CHCHD3: variants seen among roughly 807,000 people sequenced by gnomAD.
CHCHD3 encodes the protein MICOS complex subunit MIC19.
CHCHD3 carries 20 observed loss-of-function variants against 38.2 expected under a neutral mutation model. The observed-to-expected ratio is 0.52, with a 90% CI of 0.37 to 0.76. CHCHD3 has a LOEUF of 0.76. CHCHD3 is among the 30% of genes least tolerant of loss of function. The pLI is 0.00. For missense variants in CHCHD3, 245 were observed against 279.2 expected (o/e 0.88, Z 0.87); for synonymous variants, 82 against 100.0 (o/e 0.82, Z 1.07).
chr7:132,833,170 A>G (rs1375716659), intron 6 of CHCHD3, among the ~76,000 whole-genome samples: 2 of 152,214 alleles, frequency 1.3e-5, no homozygotes, highest in African/African-American at 4.8e-5. Context: ...TTGCATTAGG[A>G]TGAGCTGTAA....
chr7:132,892,676 G>A (rs950046538), intron 4 of CHCHD3, among the ~76,000 whole-genome samples: 3 of 152,184 alleles, frequency 2.0e-5, no homozygotes, highest in African/African-American at 7.2e-5. Flanking sequence ...CAGACCCAGG[G>A]CACTGCTGCT....
At chr7:132,900,515 C>T (rs1490161890) in intron 4 of CHCHD3, among the ~76,000 whole-genome samples, 3 of 152,088 alleles carry the variant, frequency 2.0e-5, no homozygotes, top group Admixed American at 2.0e-4. Context: ...GATTCATTCA[C>T]AAACCTTTAA....
chr7:133,013,194 A>AG, intron 3 of CHCHD3, among the ~76,000 whole-genome samples: 1 of 143,018 alleles, frequency 7.0e-6, no homozygotes, highest in Non-Finnish European at 1.5e-5. Flanking sequence ...TCAAAAAAAA[A>AG]AAAAAAAAAA....
intron 4 of CHCHD3, among the ~76,000 whole-genome samples, chr7:132,893,924 G>A (rs1053601378): frequency 6.6e-6 from 1 of 152,158 alleles, no homozygotes; most frequent in African/African-American, 2.4e-5. Context: ...CCAGTCTCGG[G>A]TATTTCTTTA....
At chr7:132,850,436 A>AG (rs201480142) in intron 5 of CHCHD3, among the ~76,000 whole-genome samples, 1 of 82,004 alleles carries the variant, frequency 1.2e-5, no homozygotes, top group Admixed American at 1.6e-4. Context: ...TTAGAGTCTC[A>AG]GGTTTTTTTT....
Position 132,930,775 on chromosome 7 carries a change from C to T in CHCHD3, c.369+44394G>A, listed in dbSNP as rs193102698. 2.7e-3 allele frequency among the ~76,000 whole-genome samples: 411 copies of T among 152,228 alleles called. 4 individuals are homozygous for T. The highest frequency in any genetic ancestry group is 9.2e-3 in the African/African-American group (384 of 41,530). ...TAAAGTAGAACCCATGTTCTCCCAT[C>T]GCTATACCTTTTCGATCCAGCTTTT... On this transcript the variant is annotated intron_variant, in intron 4 of 7. Transcript: ENST00000262570.
chr7:133,021,023 A>T (rs1157543143), intron 3 of CHCHD3, among the ~76,000 whole-genome samples: 1 of 152,132 alleles, frequency 6.6e-6, no homozygotes, highest in Non-Finnish European at 1.5e-5. Flanking sequence ...GTTAAACAGC[A>T]TCCCTGGCCT....
At chr7:132,910,877 C>T (rs1809931165) in intron 4 of CHCHD3, among the ~76,000 whole-genome samples, 1 of 152,170 alleles carries the variant, frequency 6.6e-6, no homozygotes, top group South Asian at 2.1e-4. Flanking sequence ...ACTACGTAAG[C>T]ATTACCAATC....
chr7:132,916,529 G>T (rs1320875813), intron 4 of CHCHD3, among the ~76,000 whole-genome samples: 1 of 152,110 alleles, frequency 6.6e-6, no homozygotes. Flanking sequence ...TTTTATTATA[G>T]TATATTGTTA....
intron 6 of CHCHD3, among the ~76,000 whole-genome samples, chr7:132,819,330 TGTGA>T (rs1807282756): frequency 6.6e-6 from 1 of 152,236 alleles, no homozygotes; most frequent in Non-Finnish European, 1.5e-5. Flanking sequence ...TATTTGCACC[TGTGA>T]GTGAGTTAGC....
intron 2 of CHCHD3, among the ~76,000 whole-genome samples, chr7:133,060,265 A>G (rs1814464245): frequency 6.6e-6 from 1 of 152,186 alleles, no homozygotes; most frequent in Non-Finnish European, 1.5e-5. Flanking sequence ...AGAGCTCAGC[A>G]CCAAAGCAAG....
At chr7:132,973,919 T>C (rs1811685812) in intron 4 of CHCHD3, 3 of 1,257,288 alleles carry the variant, frequency 2.4e-6, no homozygotes, top group Non-Finnish European at 3.1e-6. Flanking sequence ...TGTGCTCCAA[T>C]GAGGACTAAA....
At chr7:133,067,563 C>G (rs926737388) in intron 2 of CHCHD3, among the ~76,000 whole-genome samples, 13 of 152,200 alleles carry the variant, frequency 8.5e-5, no homozygotes, top group African/African-American at 2.9e-4. Flanking sequence ...TTATCATCAG[C>G]TAGATGTGCT....
Position 132,881,938 on chromosome 7 carries a change from A to G in CHCHD3, c.453+3724T>C, listed in dbSNP as rs865899404. Among the ~76,000 whole-genome samples the G allele has an allele frequency of 3.3e-5, 5 of 152,324 alleles. No individual in the cohort carries two copies. In the South Asian group the frequency reaches 8.3e-4, roughly 25 times the overall value. ...TCTCACATATTCCTGGAAGAAATCC[A>G]AAGTGACAAAATTCAACTTGAGTAC... On this transcript the variant is annotated intron_variant, in intron 5 of 7. Coordinates refer to ENST00000262570, the MANE Select transcript of CHCHD3 (RefSeq NM_017812.4).
chr7:132,877,521 C>A (rs2117160887), intron 5 of CHCHD3, among the ~76,000 whole-genome samples: 1 of 152,198 alleles, frequency 6.6e-6, no homozygotes, highest in African/African-American at 2.4e-5. Flanking sequence ...GATACTGGGC[C>A]TTATTCATTT....
chr7:132,862,779 T>C (rs965817744), intron 5 of CHCHD3, among the ~76,000 whole-genome samples: 5 of 152,242 alleles, frequency 3.3e-5, no homozygotes, highest in African/African-American at 1.2e-4. Context: ...TTTCCTGTCA[T>C]TTCAGCAATA....
intron 2 of CHCHD3, among the ~76,000 whole-genome samples, chr7:133,042,366 C>T (rs1405458892): frequency 6.6e-6 from 1 of 152,168 alleles, no homozygotes; most frequent in Non-Finnish European, 1.5e-5. Flanking sequence ...AAAGACACAC[C>T]TCCAAGGCTT....
At chr7:132,877,763 C>A (rs540288548) in intron 5 of CHCHD3, among the ~76,000 whole-genome samples, 9 of 144,752 alleles carry the variant, frequency 6.2e-5, no homozygotes, top group Non-Finnish European at 1.4e-4. Flanking sequence ...ACTATAGAAA[C>A]CACAGGGAAT....
intron 4 of CHCHD3, among the ~76,000 whole-genome samples, chr7:132,928,042 T>C (rs1413494520): frequency 6.6e-6 from 1 of 151,586 alleles, no homozygotes; most frequent in Non-Finnish European, 1.5e-5. Flanking sequence ...CAGAAGAGAG[T>C]CCACTAAACC....
Sources: gnomAD v4.1 joint callset for allele counts (sites outside exome capture counted in the v4.1 genomes callset) on GRCh38, gnomAD v4.1.1 for gene constraint, MANE v1.5 for transcripts, NCBI Gene and HGNC (gene_info 2026-07-23, HGNC 2026-07-21) for gene names.